SPTLC2: variants seen among roughly 807,000 people sequenced by gnomAD.
SPTLC2 encodes serine palmitoyltransferase long chain base subunit 2.
Under a neutral mutation model 62.0 loss-of-function variants are expected in SPTLC2, and 21 were observed. That is an observed-to-expected ratio of 0.34 (90% confidence interval 0.24 to 0.49). The LOEUF is 0.49. Among genes scored for constraint, SPTLC2 ranks in the 20% least tolerant of loss-of-function variants. The pLI is 0.99. For missense variants in SPTLC2, 511 were observed against 713.0 expected (o/e 0.72, Z 3.23); for synonymous variants, 261 against 261.8 (o/e 1.00, Z 0.03).
At chr14:77,530,804 CAAT>C (rs150993552) in intron 9 of SPTLC2, among the ~76,000 whole-genome samples, 6,642 of 152,194 alleles carry the variant, frequency 0.044, 148 homozygotes, top group Middle Eastern at 0.099. Context: ...TTGAATGACT[CAAT>C]GATGTATTCT....
chr14:77,592,254 C>A, intron 2 of SPTLC2, among the ~76,000 whole-genome samples: 1 of 152,040 alleles, frequency 6.6e-6, no homozygotes, highest in Non-Finnish European at 1.5e-5. Context: ...CCTGCCTCAG[C>A]CTCCCAAGTA....
chr14:77,525,775 G>A (rs1330818944), intron 9 of SPTLC2, among the ~76,000 whole-genome samples: 3 of 152,060 alleles, frequency 2.0e-5, no homozygotes, highest in Non-Finnish European at 4.4e-5. Context: ...TTAGCCGGGC[G>A]TGGTGGTGGG....
At chr14:77,552,312 TC>T in intron 8 of SPTLC2, 90 bp from the exon 9 acceptor site, 1 of 1,467,704 alleles carries the variant, frequency 6.8e-7, no homozygotes, top group Non-Finnish European at 9.4e-7. Context: ...AGAGGACTCC[TC>T]ACTTCAATGG....
chr14:77,522,226 C>T (rs1387362212), intron 9 of SPTLC2, among the ~76,000 whole-genome samples: 1 of 151,832 alleles, frequency 6.6e-6, no homozygotes, highest in South Asian at 2.1e-4. Context: ...TGCAACGGCA[C>T]GATCTTGGCT....
In SPTLC2 at chr14:77,534,486, C is replaced by T. The variant is rs2079458600; in HGVS notation, c.1304-12905G>A. ...AGAAGTCAAATTAGGAGGCTACTAA[C>T]ATTTCTGAAGCCTCAGGGCAGTCTA... is the stretch of plus-strand genomic sequence containing the variant. On this transcript the variant is annotated intron_variant, in intron 9 of 11. Transcript: ENST00000216484. Among the ~76,000 whole-genome samples, 3 of 151,816 alleles carry T rather than the reference C, an allele frequency of 2.0e-5. No individual in the cohort carries two copies. The South Asian group carries it at 6.2e-4, about 31-fold the overall frequency.
At chr14:77,553,729 C>CAAAA (rs34500527) in intron 8 of SPTLC2, among the ~76,000 whole-genome samples, 6,186 of 96,278 alleles carry the variant, frequency 0.064, 390 homozygotes, top group Admixed American at 0.12. Flanking sequence ...GGCTTGGTCT[C>CAAAA]AAAAAAAAAA....
At chr14:77,565,242 C>CAAAAAAAAA (rs59356054) in intron 5 of SPTLC2, among the ~76,000 whole-genome samples, 18 of 33,706 alleles carry the variant, frequency 5.3e-4, no homozygotes, top group African/African-American at 6.7e-4. Context: ...AACTCCATCT[C>CAAAAAAAAA]AAAAAAAAAA....
chr14:77,522,963 T>A (rs1244919578), intron 9 of SPTLC2, among the ~76,000 whole-genome samples: 3 of 152,182 alleles, frequency 2.0e-5, no homozygotes, highest in Admixed American at 6.5e-5. Context: ...CACAAATAAG[T>A]CAAAATTAAT....
rs147561476 is a variant in SPTLC2, at chr14:77,574,278, A to G, written c.631+2489T>C. Among the ~76,000 whole-genome samples the G allele has an allele frequency of 1.4e-3, 218 of 152,340 alleles. 2 individuals carry two copies. The highest frequency in any genetic ancestry group is 2.2e-3 in the Non-Finnish European group (150 of 68,022). On this transcript the variant is annotated intron_variant, in intron 4 of 11. Coordinates refer to ENST00000216484, the MANE Select transcript of SPTLC2 (RefSeq NM_004863.4). ...GTAAATTCACTGTATGGAACCCTAG[A>G]GAAGCTTAAAAACCAGAGGGAACAG...
At chr14:77,609,305 T>A (rs1292402262) in intron 1 of SPTLC2, among the ~76,000 whole-genome samples, 1 of 152,230 alleles carries the variant, frequency 6.6e-6, no homozygotes, top group East Asian at 1.9e-4. Flanking sequence ...CCATAAACAA[T>A]GTAGTATTCT....
intron 6 of SPTLC2, among the ~76,000 whole-genome samples, chr14:77,558,603 G>A (rs1426379659): frequency 6.7e-6 from 1 of 149,982 alleles, no homozygotes; most frequent in African/African-American, 2.4e-5. Flanking sequence ...ATTACGTCCT[G>A]ACTCAAAGCC....
chr14:77,515,644 G>C (rs1171196784), intron 11 of SPTLC2, among the ~76,000 whole-genome samples: 1 of 144,280 alleles, frequency 6.9e-6, no homozygotes, highest in East Asian at 1.9e-4. Context: ...CCGCCTCCCA[G>C]ATTCAAGTGG....
chr14:77,604,112 C>T (rs565278674), intron 1 of SPTLC2, among the ~76,000 whole-genome samples: 3 of 145,388 alleles, frequency 2.1e-5, no homozygotes, highest in South Asian at 4.6e-4. Flanking sequence ...TGCAGGGATG[C>T]GCCCCTGGTG....
chr14:77,532,085 T>C (rs556930674), intron 9 of SPTLC2, among the ~76,000 whole-genome samples: 41 of 152,232 alleles, frequency 2.7e-4, no homozygotes, highest in African/African-American at 8.7e-4. Flanking sequence ...AACAGAACCA[T>C]CTAAATATTA....
At chr14:77,612,498 T>C (rs899834371) in intron 1 of SPTLC2, among the ~76,000 whole-genome samples, 7 of 152,228 alleles carry the variant, frequency 4.6e-5, no homozygotes, top group African/African-American at 1.7e-4. Context: ...AATGAAAATC[T>C]TGTCCTCCAA....
At chr14:77,609,070 G>A (rs2079921101) in intron 1 of SPTLC2, among the ~76,000 whole-genome samples, 2 of 151,964 alleles carry the variant, frequency 1.3e-5, no homozygotes, top group Non-Finnish European at 2.9e-5. Context: ...AGAGGGATGG[G>A]AAAGTTCATG....
intron 2 of SPTLC2, among the ~76,000 whole-genome samples, chr14:77,594,482 G>A (rs2079835124): frequency 6.6e-6 from 1 of 152,160 alleles, no homozygotes; most frequent in Non-Finnish European, 1.5e-5. Flanking sequence ...ACTGCCCTTG[G>A]GGTCATGGTG....
At chr14:77,597,941 G>A (rs544581539) in intron 1 of SPTLC2, among the ~76,000 whole-genome samples, 2 of 152,100 alleles carry the variant, frequency 1.3e-5, no homozygotes, top group African/African-American at 4.8e-5. Flanking sequence ...CTGATCACAT[G>A]GAGAAAACCC....
At chr14:77,516,121 G>A (rs914380031) in intron 11 of SPTLC2, among the ~76,000 whole-genome samples, 7 of 151,636 alleles carry the variant, frequency 4.6e-5, no homozygotes, top group African/African-American at 9.7e-5. Context: ...TCTAGTACAC[G>A]TTTAGTTCCA....
Sources: gnomAD v4.1 joint callset for allele counts (sites outside exome capture counted in the v4.1 genomes callset) on GRCh38, gnomAD v4.1.1 for gene constraint, MANE v1.5 for transcripts, NCBI Gene and HGNC (gene_info 2026-07-23, HGNC 2026-07-21) for gene names.